The following GRK2 variants were observed in gnomAD, a reference collection of about 807,000 sequenced individuals.
The protein encoded by GRK2 is G protein-coupled receptor kinase 2, also known as adrenergic beta receptor kinase 1.
In GRK2, 23 loss-of-function variants were observed where a neutral mutation model predicts 97.8. That is an observed-to-expected ratio of 0.24 (90% CI 0.17 to 0.33). The LOEUF (loss-of-function observed/expected upper bound fraction) is 0.33, where lower values mean the gene tolerates loss of function less well. Ranked by LOEUF, GRK2 falls within the 10% of genes least tolerant of loss-of-function variation. The probability of loss-of-function intolerance (pLI) is 1.00; values close to 1 mark genes in which losing one functional copy is unlikely to be tolerated. For synonymous variants in GRK2, 425 were observed against 381.7 expected (o/e 1.11, Z -1.32); for missense variants, 633 against 956.9 (o/e 0.66, Z 4.47).
In GRK2 at chr11:67,281,988, T is replaced by A. The variant is rs1220532951; in HGVS notation, c.957+36T>A. On this transcript the variant is annotated intron_variant, in intron 11 of 20. Coordinates refer to ENST00000308595, the MANE Select transcript of GRK2 (RefSeq NM_001619.5). This position sits in a 1 kb window ranked among gnomAD's most constrained non-coding sequence, Gnocchi z 5.7. ...CTGCTGTCCCCAGGCTGGACCTCCG[T>A]GGCTGTCCTCTCCTTCCTCTCGACA... 1 of 1,611,904 alleles carries A rather than the reference T, an allele frequency of 6.2e-7. No individual in the cohort carries two copies. The highest frequency in any genetic ancestry group is 8.5e-7 in the Non-Finnish European group (1 of 1,179,198).
Position 67,285,418 on chromosome 11 carries a change from C to T in GRK2, c.2038C>T (p.Leu680=). The T allele has an allele frequency of 6.3e-7, 1 of 1,597,536 alleles. No individual in the cohort carries two copies. The change falls in exon 21 of 21, where the codon CTG becomes TTG. Residue 680 remains leucine, a synonymous_variant. Transcript: ENST00000308595. ...SPVVELSKVP[L]VQRGSANGL Reference sequence around the variant, plus strand: ...CGTGGTGGAGCTGAGCAAGGTGCCGCTGGTCCAGCGCGGCAGTGCCAACGG... The same window carrying T: ...CGTGGTGGAGCTGAGCAAGGTGCCGTTGGTCCAGCGCGGCAGTGCCAACGG...
chr11:67,271,683 C>T lies in GRK2; in HGVS notation c.113+4871C>T, dbSNP rs373812372. On this transcript the variant is annotated intron_variant, in intron 1 of 20. Transcript: ENST00000308595. The stretch of plus-strand genomic sequence containing the variant: ...CTGCTTTGTGGCCGACACGACGTTC[C>T]GGAGCCCAGGCTGCTGCAGACCCTG... Among the ~76,000 whole-genome samples, 86 of 152,354 alleles carry T rather than the reference C, an allele frequency of 5.6e-4. No homozygotes were observed. In the South Asian group the frequency reaches 0.017, roughly 30 times the overall value.
intron 17 of GRK2, 81 bp from the exon 18 acceptor site, chr11:67,284,130 C>T (rs929971468): frequency 1.9e-6 from 3 of 1,579,514 alleles, no homozygotes; most frequent in South Asian, 1.1e-5. Context: ...ACCCAGGGCC[C>T]TGGGTCTGGG....
rs749254914 is a variant in GRK2 at position 67,281,998 on chromosome 11, C to T, written c.957+46C>T. The T allele has an allele frequency of 6.2e-7, 1 of 1,609,074 alleles. No individual in the cohort carries two copies. Among genetic ancestry groups the T allele is most frequent in the Non-Finnish European group, 8.5e-7 (1 of 1,177,260 alleles). On this transcript the variant is annotated intron_variant, in intron 11 of 20. Coordinates refer to ENST00000308595, the MANE Select transcript of GRK2 (RefSeq NM_001619.5). This position sits in a 1 kb window ranked among gnomAD's most constrained non-coding sequence, Gnocchi z 5.7. ...CAGGCTGGACCTCCGTGGCTGTCCT[C>T]TCCTTCCTCTCGACATCCCGGCCAC...
Position 67,280,873 on chromosome 11 carries a change from G to A in GRK2, c.555+90G>A. 4 of 1,451,598 alleles carry A rather than the reference G, an allele frequency of 2.8e-6. No homozygotes were observed. In the Admixed American group the frequency reaches 5.0e-5, roughly 18 times the overall value. 89.9% of individuals were successfully genotyped at this position (1,451,598 alleles called of 1,614,324 possible). A position where few individuals can be genotyped will look rare whatever the true frequency, so the allele number is the denominator to read the frequency against. ...CCTGTGGCTTGGCTGGGAGGGGGAG[G>A]TCAGGGGATGTCTGTCCTTTAGCCC... On this transcript the variant is annotated intron_variant, in intron 7 of 20. Transcript: ENST00000308595.
chr11:67,270,431 T>C (rs1859882178), intron 1 of GRK2, among the ~76,000 whole-genome samples: 1 of 150,960 alleles, frequency 6.6e-6, no homozygotes. Flanking sequence ...CCTTTCTGGC[T>C]TCCCTGTCTC....
chr11:67,266,609 A>T lies in GRK2; in HGVS notation c.-91A>T. The T allele has an allele frequency of 2.3e-6, 1 of 433,162 alleles. No individual in the cohort carries two copies. The highest frequency in any genetic ancestry group is 3.0e-6 in the Non-Finnish European group (1 of 336,024). 26.8% of individuals were successfully genotyped at this position (433,162 alleles called of 1,614,324 possible). ...CGGGAGGCGTCGGCGCCCGAGGCCGAGCGAGCCGCGGCCGGGCCGGGCCGA... is the reference window on the plus strand; with the variant it reads ...CGGGAGGCGTCGGCGCCCGAGGCCGTGCGAGCCGCGGCCGGGCCGGGCCGA... On this transcript the variant is annotated 5_prime_UTR_variant, in exon 1 of 21. Coordinates refer to ENST00000308595, the MANE Select transcript of GRK2 (RefSeq NM_001619.5).
At chr11:67,277,381 A>C in intron 2 of GRK2, 33 bp downstream of exon 2, 2 of 1,598,856 alleles carry the variant, frequency 1.3e-6, no homozygotes, top group Non-Finnish European at 1.7e-6. Flanking sequence ...CAGCCACCGG[A>C]CTTAACTTCT....
In GRK2 at chr11:67,286,212, C is replaced by T. The variant is rs1860277969; in HGVS notation, c.*762C>T. ...TCGCTGATGCTGGGCTGGGTGCGAC[C>T]CCATCTGCCCAGGACGGGGCCGGCC... On this transcript the variant is annotated 3_prime_UTR_variant, in exon 21 of 21. Transcript: ENST00000308595. 1 of 555,390 alleles carries T rather than the reference C, an allele frequency of 1.8e-6. No individual in the cohort carries two copies. Among genetic ancestry groups the T allele is most frequent in the Non-Finnish European group, 3.2e-6 (1 of 316,070 alleles). The allele number at this position is 555,390 out of a possible 1,614,324, so 34.4% of individuals were successfully genotyped here.
Position 67,281,542 on chromosome 11 carries a change from C to T in GRK2, c.731C>T (p.Ser244Leu). 6.2e-7 allele frequency: 1 copy of T among 1,613,496 alleles called. No homozygotes were observed. Among genetic ancestry groups the T allele is most frequent in the Non-Finnish European group, 8.5e-7 (1 of 1,179,944 alleles). The change falls in exon 9 of 21, where the codon TCG becomes TTG. Residue 244 changes from serine to leucine, a missense_variant. Physicochemically the swap from Ser to Leu is moderately radical, Grantham distance 145 (BLOSUM62 -2). Around this residue, in one of 4 missense-constraint regions of GRK2, gnomAD observed 192 missense variants for 362.3 expected, o/e 0.53. Transcript: ENST00000308595. This position sits in a 1 kb window ranked among gnomAD's most constrained non-coding sequence, Gnocchi z 5.7. ...TLALNERIML[S>L]LVSTGDCPFI... The stretch of plus-strand genomic sequence containing the variant: ...GCCCTGAACGAGCGCATCATGCTCT[C>T]GCTCGTCAGCACTGGGGTGAGCTGG...
rs368311420 is a variant in GRK2 at position 67,284,087 on chromosome 11, C to T, written c.1492-124C>T. The T allele has an allele frequency of 2.9e-5, 43 of 1,473,042 alleles. No homozygotes were observed. The African/African-American group carries it at 5.3e-4, about 18-fold the overall frequency. The allele number at this position is 1,473,042 out of a possible 1,614,324, so 91.2% of individuals were successfully genotyped here. A position where few individuals can be genotyped will look rare whatever the true frequency, so the allele number is the denominator to read the frequency against. On this transcript the variant is annotated intron_variant, in intron 17 of 20. Coordinates refer to ENST00000308595, the MANE Select transcript of GRK2 (RefSeq NM_001619.5). ...GCCTCAGTTCCTCCTTGGCCAACTT[C>T]CCTGGGGGGTGGCAGTTGCACTGAC...
At position 67,284,324 on chromosome 11, in the gene GRK2, G is replaced by A; in HGVS notation, c.1605G>A (p.Arg535=). 1 of 1,613,190 alleles carries A rather than the reference G, an allele frequency of 6.2e-7. No homozygotes were observed. The stretch of plus-strand genomic sequence containing the variant: ...ACACCATCAACGCTGAGACAGACCG[G>A]CTGGAGGCTCGCAAGAAAGCCAAGA... The part of the protein sequence containing the change: ...VFDTINAETD[R]LEARKKAKNK... Residue 535 remains arginine, a synonymous_variant, in exon 18 of 21, where the codon CGG becomes CGA. Coordinates refer to ENST00000308595, the MANE Select transcript of GRK2 (RefSeq NM_001619.5).
At chr11:67,275,865 T>C (rs766271615) in intron 1 of GRK2, among the ~76,000 whole-genome samples, 3 of 152,232 alleles carry the variant, frequency 2.0e-5, no homozygotes, top group East Asian at 1.9e-4. Context: ...CTGCACACGC[T>C]GTCTGGTATC....
intron 18 of GRK2, 40 bp from the exon 19 acceptor site, chr11:67,284,807 C>T: frequency 6.3e-7 from 1 of 1,599,884 alleles, no homozygotes; most frequent in Non-Finnish European, 8.5e-7. Context: ...AAAAGAAACC[C>T]AGGTGGGGCC....
chr11:67,283,553 T>C (rs989041512), intron 15 of GRK2, 154 bp from the exon 16 acceptor site: 20 of 756,350 alleles, frequency 2.6e-5, no homozygotes, highest in Admixed American at 1.9e-4. Context: ...AACCCTACGA[T>C]GTAGGAACTT....
rs1338822294 is a variant in GRK2, at chr11:67,283,180, G to C, written c.1280G>C (p.Gly427Ala). The part of the protein sequence containing the change: ...FSPELRSLLE[G>A]LLQRDVNRRL... Reference sequence around the variant, plus strand: ...CCTGAACTACGCTCCCTGCTGGAGGGGTTGCTGCAGAGGGATGTCAACCGG... The same window carrying C: ...CCTGAACTACGCTCCCTGCTGGAGGCGTTGCTGCAGAGGGATGTCAACCGG... Residue 427 changes from glycine (G) to alanine (A), a missense_variant, in exon 15 of 21, where the codon GGG becomes GCG. Transcript: ENST00000308595. 1 of 1,614,018 alleles carries C rather than the reference G, an allele frequency of 6.2e-7. No homozygotes were observed. The highest frequency in any genetic ancestry group is 1.7e-5 in the Admixed American group (1 of 60,028).
rs371724456 is a variant in GRK2, at chr11:67,279,552, C to T, written c.366+33C>T. 3.1e-6 allele frequency: 5 copies of T among 1,612,570 alleles called. No homozygotes were observed. The South Asian group carries it at 4.4e-5, about 14-fold the overall frequency. ...TCCTCAGCTGGCCCTGTGTGCTGGC[C>T]CAGAGTCACCTGCAGATTGGGAGGG... On this transcript the variant is annotated intron_variant, in intron 4 of 20. Coordinates refer to ENST00000308595, the MANE Select transcript of GRK2 (RefSeq NM_001619.5).
chr11:67,279,998 C>T (rs909554071), intron 6 of GRK2, 98 bp downstream of exon 6: 216 of 1,272,026 alleles, frequency 1.7e-4, no homozygotes, highest in Non-Finnish European at 2.3e-4. Context: ...CTTCATTAGG[C>T]CCTGAGCAGG....
chr11:67,273,196 C>T (rs1242378778), intron 1 of GRK2, among the ~76,000 whole-genome samples: 1 of 152,242 alleles, frequency 6.6e-6, no homozygotes, highest in Non-Finnish European at 1.5e-5. Flanking sequence ...TGGTGAGGGC[C>T]ACTTGGAACC....
Sources: allele counts gnomAD v4.1 joint callset (sites outside exome capture counted in the v4.1 genomes callset), GRCh38; gene constraint gnomAD v4.1.1; regional missense constraint gnomAD v4.1.1; non-coding constraint Gnocchi (gnomAD v3.1); transcripts MANE v1.5; gene names NCBI Gene and HGNC (gene_info 2026-07-23, HGNC 2026-07-21).